LARGE1: variants seen among roughly 807,000 people sequenced by gnomAD.
LARGE1 encodes xylosyl- and glucuronyltransferase LARGE1.
Under a neutral mutation model 87.6 loss-of-function variants are expected in LARGE1, and 43 were observed. The ratio of observed to expected loss-of-function variants is 0.49; its 90% CI spans 0.38 to 0.63. The LOEUF is 0.63. Ranked by LOEUF, LARGE1 falls within the 30% of genes least tolerant of loss-of-function variation. The probability of loss-of-function intolerance (pLI) is 0.00; values close to 1 mark genes in which losing one functional copy is unlikely to be tolerated. For missense variants in LARGE1, 802 were observed against 1,000.2 expected, an observed-to-expected ratio of 0.80 and a Z score of 2.67; for synonymous variants, 434 against 394.6, an observed-to-expected ratio of 1.10 and a Z score of -1.18.
intron 1 of LARGE1, among the ~76,000 whole-genome samples, chr22:33,901,853 T>C (rs1305745856): frequency 6.6e-6 from 1 of 152,156 alleles, no homozygotes; most frequent in Admixed American, 6.5e-5. Flanking sequence ...AATTTCTGGT[T>C]TGCAGGCAAG....
chr22:33,606,022 G>A (rs1365735251), intron 4 of LARGE1, among the ~76,000 whole-genome samples: 5 of 152,178 alleles, frequency 3.3e-5, no homozygotes, highest in African/African-American at 1.2e-4. Flanking sequence ...GGCCCAGGGT[G>A]TATTAGGAGT....
At chr22:33,483,229 T>C (rs1458623200) in intron 6 of LARGE1, among the ~76,000 whole-genome samples, 1 of 152,146 alleles carries the variant, frequency 6.6e-6, no homozygotes, top group East Asian at 1.9e-4. Flanking sequence ...CAGACAGGCC[T>C]CACCAGAGAA....
chr22:33,605,475 C>G (rs1480387378), intron 4 of LARGE1, among the ~76,000 whole-genome samples: 1 of 152,158 alleles, frequency 6.6e-6, no homozygotes, highest in Non-Finnish European at 1.5e-5. Flanking sequence ...CTCTGCACTG[C>G]TATTTCTACA....
chr22:33,833,476 A>T (rs1019400609), intron 1 of LARGE1, among the ~76,000 whole-genome samples: 1 of 152,196 alleles, frequency 6.6e-6, no homozygotes, highest in Non-Finnish European at 1.5e-5. Flanking sequence ...ACAGGAAGAC[A>T]GCCTTCCACA....
At chr22:33,516,214 G>A (rs2071296853) in intron 6 of LARGE1, among the ~76,000 whole-genome samples, 1 of 152,150 alleles carries the variant, frequency 6.6e-6, no homozygotes, top group Non-Finnish European at 1.5e-5. Flanking sequence ...TGGGGAGAGA[G>A]GCTTAAAGGC....
At chr22:33,346,060 T>C (rs192898564) in intron 9 of LARGE1, among the ~76,000 whole-genome samples, 7 of 152,296 alleles carry the variant, frequency 4.6e-5, no homozygotes, top group Admixed American at 4.6e-4. Context: ...TAGGTAGGCC[T>C]GATGCAAACT....
chr22:33,617,516 G>C (rs888176041), intron 4 of LARGE1, among the ~76,000 whole-genome samples: 3 of 152,134 alleles, frequency 2.0e-5, no homozygotes. Flanking sequence ...TATGATTCAA[G>C]GCTATTTAGT....
intron 7 of LARGE1, among the ~76,000 whole-genome samples, chr22:33,395,188 C>T (rs761986761): frequency 4.1e-5 from 6 of 144,902 alleles, no homozygotes; most frequent in Non-Finnish European, 7.4e-5. Flanking sequence ...GAGATCGCGC[C>T]GCTGCACTCC....
intron 6 of LARGE1, among the ~76,000 whole-genome samples, chr22:33,546,740 T>C (rs981143908): frequency 6.6e-6 from 1 of 152,166 alleles, no homozygotes; most frequent in Non-Finnish European, 1.5e-5. Flanking sequence ...CATGCCACCA[T>C]ATCTGACTAA....
At chr22:33,249,794 T>C (rs1344625205) in intron 11 of LARGE1, among the ~76,000 whole-genome samples, 1 of 152,232 alleles carries the variant, frequency 6.6e-6, no homozygotes, top group African/African-American at 2.4e-5. Flanking sequence ...TTGAAAAGAC[T>C]ATTTTTGCTC....
chr22:33,553,233 C>T (rs1039910643), intron 6 of LARGE1, among the ~76,000 whole-genome samples: 5 of 152,136 alleles, frequency 3.3e-5, no homozygotes, highest in African/African-American at 1.2e-4. Flanking sequence ...CAGCGGGGCA[C>T]AGTGGCTCAC....
intron 6 of LARGE1, among the ~76,000 whole-genome samples, chr22:33,473,709 G>C (rs1449673488): frequency 6.6e-6 from 1 of 152,128 alleles, no homozygotes; most frequent in African/African-American, 2.4e-5. Flanking sequence ...CTTCCAAAGT[G>C]CTGGGATTAC....
intron 3 of LARGE1, among the ~76,000 whole-genome samples, chr22:33,646,292 G>A (rs900703731): frequency 1.1e-4 from 16 of 152,164 alleles, no homozygotes; most frequent in Admixed American, 2.0e-4. Flanking sequence ...GTGGGGACAT[G>A]AATGAAGCTG....
Position 33,845,528 on chromosome 22 carries a change from G to A in LARGE1, c.-83+74467C>T, listed in dbSNP as rs4821192. On this transcript the variant is annotated intron_variant, in intron 1 of 14. Transcript: ENST00000397394. ...TCTCCATGTTGGTCAGGCTGGTCTC[G>A]AACTCCTGACCTCAGATCATCTACC... 7.8e-3 allele frequency among the ~76,000 whole-genome samples: 1,184 copies of A among 151,814 alleles called. 64 individuals carry two copies. The highest frequency in any genetic ancestry group is 0.068 in the Admixed American group (1,041 of 15,260).
chr22:33,811,065 G>A (rs16993070), intron 1 of LARGE1, among the ~76,000 whole-genome samples: 10,477 of 152,132 alleles, frequency 0.069, 463 homozygotes, highest in South Asian at 0.21. Context: ...TGATTAATGC[G>A]TGAGTGGAAG....
intron 5 of LARGE1, among the ~76,000 whole-genome samples, chr22:33,575,933 G>A (rs1386176484): frequency 6.6e-6 from 1 of 152,128 alleles, no homozygotes; most frequent in Non-Finnish European, 1.5e-5. Flanking sequence ...CAGACTGCCT[G>A]AACATCCTTC....
At chr22:33,433,299 A>G (rs1484786297) in intron 6 of LARGE1, among the ~76,000 whole-genome samples, 1 of 152,178 alleles carries the variant, frequency 6.6e-6, no homozygotes, top group African/African-American at 2.4e-5. Context: ...CACGTTTTGT[A>G]GAAAGGGAAA....
chr22:33,792,355 C>A (rs2085850750), intron 1 of LARGE1, among the ~76,000 whole-genome samples: 1 of 152,196 alleles, frequency 6.6e-6, no homozygotes, highest in African/African-American at 2.4e-5. Context: ...CCTGCTGGTA[C>A]TTCTCCTTGC....
intron 11 of LARGE1, among the ~76,000 whole-genome samples, chr22:33,193,859 G>T (rs1036140462): frequency 8.9e-5 from 13 of 146,500 alleles, no homozygotes; most frequent in Middle Eastern, 3.7e-3. Flanking sequence ...TATATATATT[G>T]TTTTTATATA....
Sources: allele counts gnomAD v4.1 joint callset (sites outside exome capture counted in the v4.1 genomes callset), GRCh38; gene constraint gnomAD v4.1.1; transcripts MANE v1.5; gene names NCBI Gene and HGNC (gene_info 2026-07-23, HGNC 2026-07-21).